The following CPEB3 variants were observed in gnomAD, a reference collection of about 807,000 sequenced individuals.
The protein encoded by CPEB3 is cytoplasmic polyadenylation element-binding protein 3.
In CPEB3, 20 loss-of-function variants were observed where a neutral mutation model predicts 67.2. That is an observed-to-expected ratio of 0.30 (90% CI 0.21 to 0.43). The LOEUF (loss-of-function observed/expected upper bound fraction) is 0.43. Among genes scored for constraint, CPEB3 ranks in the 20% least tolerant of loss-of-function variants. The pLI is 1.00. For synonymous variants in CPEB3, 376 were observed against 393.1 expected, an observed-to-expected ratio of 0.96 and a Z score of 0.51; for missense variants, 746 against 968.6, an observed-to-expected ratio of 0.77 and a Z score of 3.05.
chr10:92,246,443 A>G (rs1320784157), intron 1 of CPEB3, among the ~76,000 whole-genome samples: 1 of 152,190 alleles, frequency 6.6e-6, no homozygotes, highest in African/African-American at 2.4e-5. Context: ...AAAGTAAAAT[A>G]ATCCTTCATA....
chr10:92,232,948 T>C (rs1370375622), intron 2 of CPEB3, among the ~76,000 whole-genome samples: 2 of 152,160 alleles, frequency 1.3e-5, no homozygotes, highest in African/African-American at 4.8e-5. Flanking sequence ...AAGTATATAG[T>C]TTTATATTAA....
intron 6 of CPEB3, among the ~76,000 whole-genome samples, chr10:92,136,221 GACAA>G (rs370953404): frequency 2.0e-5 from 3 of 151,410 alleles, no homozygotes; most frequent in East Asian, 1.9e-4. Context: ...GAAATACTAA[GACAA>G]ACAAACAAAC....
intron 7 of CPEB3, among the ~76,000 whole-genome samples, chr10:92,099,441 C>T (rs1050617531): frequency 5.3e-5 from 8 of 151,992 alleles, no homozygotes; most frequent in African/African-American, 1.4e-4. Flanking sequence ...CATGAGCCAC[C>T]GTGCCTGACC....
At chr10:92,219,817 C>T (rs1163075749) in intron 2 of CPEB3, among the ~76,000 whole-genome samples, 2 of 152,146 alleles carry the variant, frequency 1.3e-5, no homozygotes, top group Non-Finnish European at 2.9e-5. Context: ...TTCTGATGAG[C>T]TCATATCTTT....
chr10:92,074,813 T>A (rs964336552), intron 9 of CPEB3, among the ~76,000 whole-genome samples: 1 of 152,174 alleles, frequency 6.6e-6, no homozygotes. Flanking sequence ...CTCGCTCTCG[T>A]TGCTGTGTAA....
At chr10:92,229,713 C>A (rs1403994867) in intron 2 of CPEB3, among the ~76,000 whole-genome samples, 1 of 152,146 alleles carries the variant, frequency 6.6e-6, no homozygotes, top group Non-Finnish European at 1.5e-5. Context: ...TATGTACATA[C>A]ACCTGTGTTT....
At chr10:92,267,279 G>GT (rs1853102284) in intron 1 of CPEB3, among the ~76,000 whole-genome samples, 1 of 152,088 alleles carries the variant, frequency 6.6e-6, no homozygotes, top group South Asian at 2.1e-4. Flanking sequence ...TGTTCTTGTT[G>GT]TTTTACAACC....
intron 9 of CPEB3, among the ~76,000 whole-genome samples, chr10:92,075,983 C>T (rs1842918696): frequency 6.6e-6 from 1 of 152,236 alleles, no homozygotes; most frequent in Non-Finnish European, 1.5e-5. Context: ...GGACACACCT[C>T]ATATGGCCCT....
chr10:92,201,468 C>T lies in CPEB3; in HGVS notation c.1006-8832G>A, dbSNP rs987488647. 2.6e-5 allele frequency among the ~76,000 whole-genome samples: 4 copies of T among 152,308 alleles called. No individual in the cohort carries two copies. In the East Asian group the frequency reaches 5.8e-4, roughly 22 times the overall value. ...ACTGGAACCCGGGAGGCAGACGCTA[C>T]AGTGAGTCAAGGTGGTGCCACCGCA... is the stretch of plus-strand genomic sequence containing the variant. On this transcript the variant is annotated intron_variant, in intron 2 of 9. Coordinates refer to ENST00000265997, the MANE Select transcript of CPEB3 (RefSeq NM_014912.5).
chr10:92,106,692 G>C (rs1844474168), intron 7 of CPEB3, among the ~76,000 whole-genome samples: 1 of 151,774 alleles, frequency 6.6e-6, no homozygotes, highest in African/African-American at 2.4e-5. Flanking sequence ...ACACATGCCT[G>C]TAATCCCAGC....
chr10:92,106,752 T>TC lies in CPEB3; in HGVS notation c.1572+4323_1572+4324insG, dbSNP rs1459239402. On this transcript the variant is annotated intron_variant, in intron 7 of 9. Coordinates refer to ENST00000265997, the MANE Select transcript of CPEB3 (RefSeq NM_014912.5). ...ATCACTTGAACTCAGAAGGCAGAGG[T>TC]TGCAGTGTGCTGAGATCGCACCACT... Among the ~76,000 whole-genome samples the TC allele has an allele frequency of 2.9e-5, 4 of 137,474 alleles. No homozygotes were observed. In the East Asian group the frequency reaches 6.3e-4, roughly 22 times the overall value. 90.2% of individuals were successfully genotyped at this position (137,474 alleles called of 152,430 possible).
chr10:92,058,560 C>T (rs1842202591), intron 9 of CPEB3, among the ~76,000 whole-genome samples: 1 of 114,058 alleles, frequency 8.8e-6, no homozygotes, highest in South Asian at 4.1e-4. Context: ...AAAATACATA[C>T]ATACATACAT....
In CPEB3 at chr10:92,134,786, A is replaced by T. The variant is rs749143361; in HGVS notation, c.1453+8243T>A. On this transcript the variant is annotated intron_variant, in intron 6 of 9. Coordinates refer to ENST00000265997, the MANE Select transcript of CPEB3 (RefSeq NM_014912.5). ...CTATACTACAAGGCTACAGTAACCA[A>T]AACAGCATGGTACTGGGACCAAAAC... is the stretch of plus-strand genomic sequence containing the variant. 3.9e-4 allele frequency among the ~76,000 whole-genome samples: 60 copies of T among 151,984 alleles called. 1 individual carries two copies. The highest frequency in any genetic ancestry group is 7.4e-4 in the Non-Finnish European group (50 of 67,920).
intron 1 of CPEB3, among the ~76,000 whole-genome samples, chr10:92,254,961 G>A (rs1201226505): frequency 6.6e-6 from 1 of 151,606 alleles, no homozygotes; most frequent in Non-Finnish European, 1.5e-5. Flanking sequence ...TCCCGCCTTG[G>A]CCTCGCAAAG....
intron 9 of CPEB3, among the ~76,000 whole-genome samples, chr10:92,070,964 C>G (rs1382609667): frequency 2.0e-5 from 3 of 151,562 alleles, no homozygotes; most frequent in Non-Finnish European, 4.4e-5. Flanking sequence ...TAATAAGCAT[C>G]TTCCAGAAGA....
intron 3 of CPEB3, among the ~76,000 whole-genome samples, chr10:92,188,122 G>A (rs1848779431): frequency 6.6e-6 from 1 of 151,928 alleles, no homozygotes; most frequent in African/African-American, 2.4e-5. Context: ...CTTGAGCCTG[G>A]GAGGTCAAGG....
chr10:92,094,274 T>C (rs1157871929), intron 7 of CPEB3, among the ~76,000 whole-genome samples: 2 of 152,074 alleles, frequency 1.3e-5, no homozygotes, highest in Admixed American at 6.5e-5. Flanking sequence ...ATTGTTCACA[T>C]GTAGACATTC....
intron 9 of CPEB3, among the ~76,000 whole-genome samples, chr10:92,058,988 T>G (rs1842226865): frequency 6.6e-6 from 1 of 151,990 alleles, no homozygotes; most frequent in South Asian, 2.1e-4. Context: ...GTAACCACAA[T>G]GGAATAAAAC....
chr10:92,065,393 G>A (rs1268450204), intron 9 of CPEB3, among the ~76,000 whole-genome samples: 2 of 151,980 alleles, frequency 1.3e-5, no homozygotes, highest in African/African-American at 2.4e-5. Context: ...GCTAATTTTT[G>A]TATTTTTAGT....
Sources: gnomAD v4.1 joint callset for allele counts (sites outside exome capture counted in the v4.1 genomes callset) on GRCh38, gnomAD v4.1.1 for gene constraint, MANE v1.5 for transcripts, NCBI Gene and HGNC (gene_info 2026-07-23, HGNC 2026-07-21) for gene names.